The following GRB2 variants were observed in gnomAD, a reference collection of about 807,000 sequenced individuals.
GRB2 encodes the protein growth factor receptor bound protein 2, also known as growth factor receptor-bound protein 2.
GRB2 carries 2 observed loss-of-function variants against 27.4 expected under a neutral mutation model. That is an observed-to-expected ratio of 0.07 (90% CI 0.03 to 0.23). The LOEUF (loss-of-function observed/expected upper bound fraction) is 0.23, where lower values mean the gene tolerates loss of function less well. GRB2 is among the 10% of genes least tolerant of loss of function. The pLI, the probability that GRB2 is intolerant of heterozygous loss-of-function variation, is 1.00. For synonymous variants in GRB2, 94 were observed against 99.6 expected (o/e 0.94, Z 0.33); for missense variants, 102 against 282.4 (o/e 0.36, Z 4.58).
chr17:75,397,781 C>T (rs944363700), intron 1 of GRB2, among the ~76,000 whole-genome samples: 4 of 151,984 alleles, frequency 2.6e-5, no homozygotes, highest in African/African-American at 9.7e-5. Context: ...ACATTAAGTG[C>T]TCTGGATAGA....
chr17:75,390,516 A>G (rs1187248175), intron 2 of GRB2, among the ~76,000 whole-genome samples: 1 of 152,172 alleles, frequency 6.6e-6, no homozygotes, highest in Non-Finnish European at 1.5e-5. Context: ...CTTCTATTTT[A>G]CATCCCAGTG....
chr17:75,338,122 G>A (rs2078593963), intron 2 of GRB2, among the ~76,000 whole-genome samples: 1 of 151,966 alleles, frequency 6.6e-6, no homozygotes, highest in Admixed American at 6.6e-5. Context: ...CAGAGATGGG[G>A]TTTCACCATA....
intron 4 of GRB2, among the ~76,000 whole-genome samples, chr17:75,325,520 A>G (rs2078492872): frequency 6.6e-6 from 1 of 152,186 alleles, no homozygotes; most frequent in African/African-American, 2.4e-5. Flanking sequence ...GGGCTGGTTG[A>G]TTTAAGTCAG....
At chr17:75,389,354 G>T (rs184885015) in intron 2 of GRB2, among the ~76,000 whole-genome samples, 1 of 152,136 alleles carries the variant, frequency 6.6e-6, no homozygotes, top group Non-Finnish European at 1.5e-5. Context: ...TGATGTCAGC[G>T]CTTGCCAGTT....
intron 2 of GRB2, among the ~76,000 whole-genome samples, chr17:75,345,794 A>G (rs2078651112): frequency 6.6e-6 from 1 of 151,960 alleles, no homozygotes. Flanking sequence ...GCTAGTGGAC[A>G]GGGTCAGGGA....
chr17:75,348,875 C>G (rs1249675267), intron 2 of GRB2, among the ~76,000 whole-genome samples: 1 of 152,152 alleles, frequency 6.6e-6, no homozygotes, highest in East Asian at 1.9e-4. Context: ...GCGGTTTTCC[C>G]ATGTTGTCCA....
At chr17:75,322,271 C>T (rs2078465356) in intron 4 of GRB2, among the ~76,000 whole-genome samples, 1 of 151,400 alleles carries the variant, frequency 6.6e-6, no homozygotes, top group Admixed American at 6.6e-5. Flanking sequence ...ACTCGGGAGG[C>T]TGAGGCAGGA....
chr17:75,401,172 G>A (rs974481265), intron 1 of GRB2, among the ~76,000 whole-genome samples: 6 of 151,994 alleles, frequency 3.9e-5, no homozygotes, highest in Admixed American at 3.3e-4. Context: ...TAGGCCGGGC[G>A]CAGTGGCTCA....
intron 2 of GRB2, among the ~76,000 whole-genome samples, chr17:75,377,131 C>G (rs540515332): frequency 4.6e-5 from 7 of 150,584 alleles, no homozygotes; most frequent in Non-Finnish European, 7.4e-5. Flanking sequence ...AGTGACCCCC[C>G]GCTACAAAAA....
chr17:75,368,262 C>T (rs1030346795), intron 2 of GRB2, among the ~76,000 whole-genome samples: 5 of 144,326 alleles, frequency 3.5e-5, no homozygotes, highest in African/African-American at 1.3e-4. Flanking sequence ...GTCACCCAGG[C>T]TAGAGTGCAG....
intron 2 of GRB2, among the ~76,000 whole-genome samples, chr17:75,383,993 G>T (rs894813335): frequency 3.3e-5 from 5 of 152,092 alleles, no homozygotes; most frequent in Non-Finnish European, 7.4e-5. Flanking sequence ...AATTGCCCAA[G>T]ATCGCAATGC....
chr17:75,319,120 C>T lies in GRB2; in HGVS notation c.*1248G>A, dbSNP rs2078437767. 6.6e-6 allele frequency: 1 copy of T among 152,484 alleles called. No individual in the cohort carries two copies. The allele number at this position is 152,484 out of a possible 1,614,324, so 9.4% of individuals were successfully genotyped here. On this transcript the variant is annotated 3_prime_UTR_variant, in exon 6 of 6. Coordinates refer to ENST00000316804, the MANE Select transcript of GRB2 (RefSeq NM_002086.5). ...CAGTTCCCTGAACCCCCAAGGGGCT[C>T]ACAACCCTTAAAGCTGGAGCTTAAA...
intron 2 of GRB2, among the ~76,000 whole-genome samples, chr17:75,381,547 G>A (rs1037118551): frequency 3.3e-5 from 5 of 150,516 alleles, no homozygotes; most frequent in African/African-American, 7.3e-5. Flanking sequence ...TGAAACCCTC[G>A]TCTCTACTAA....
At chr17:75,360,914 T>A (rs372777886) in intron 2 of GRB2, among the ~76,000 whole-genome samples, 92 of 152,230 alleles carry the variant, frequency 6.0e-4, no homozygotes, top group African/African-American at 2.2e-3. Context: ...ACTACAGGCA[T>A]GTGCTGCCAC....
chr17:75,340,094 A>T lies in GRB2; in HGVS notation c.79-7297T>A, dbSNP rs539046946. On this transcript the variant is annotated intron_variant, in intron 2 of 5. Coordinates refer to ENST00000316804, the MANE Select transcript of GRB2 (RefSeq NM_002086.5). ...AAAAATAGAAATCATAATTTTTTTTAAAAGAAATAGGCTGTACAGTTATGG... is the reference window on the plus strand; with the variant it reads ...AAAAATAGAAATCATAATTTTTTTTTAAAGAAATAGGCTGTACAGTTATGG... Among the ~76,000 whole-genome samples, 9 of 152,324 alleles carry T rather than the reference A, an allele frequency of 5.9e-5. No individual in the cohort carries two copies. The South Asian group carries it at 6.2e-4, about 11-fold the overall frequency.
intron 1 of GRB2, among the ~76,000 whole-genome samples, chr17:75,399,805 GA>G (rs2079052819): frequency 6.6e-6 from 1 of 151,888 alleles, no homozygotes; most frequent in Non-Finnish European, 1.5e-5. Flanking sequence ...GAGTGGCTGG[GA>G]CTATAGGTGC....
intron 2 of GRB2, among the ~76,000 whole-genome samples, chr17:75,374,076 T>C (rs1439744114): frequency 6.6e-6 from 1 of 151,392 alleles, no homozygotes; most frequent in Non-Finnish European, 1.5e-5. Context: ...ATTACAGGAG[T>C]GAGCCACCGT....
intron 3 of GRB2, among the ~76,000 whole-genome samples, chr17:75,330,605 C>T (rs932858107): frequency 2.0e-5 from 3 of 151,364 alleles, no homozygotes; most frequent in South Asian, 2.1e-4. Context: ...ACCCAGCAGG[C>T]GGAGGTTGCA....
rs531847933 is a variant in GRB2, at chr17:75,358,722, A to C, written c.79-25925T>G. ...TACTAAAAAAAAAAAAAAAAAAAAA[A>C]AAAACAAAAAATTAGCTGGGTATGG... On this transcript the variant is annotated intron_variant, in intron 2 of 5. Transcript: ENST00000316804. Among the ~76,000 whole-genome samples, 18 of 146,964 alleles carry C rather than the reference A, an allele frequency of 1.2e-4. No homozygotes were observed. In the South Asian group the frequency reaches 2.8e-3, roughly 23 times the overall value.
Sources: gnomAD v4.1 joint callset for allele counts (sites outside exome capture counted in the v4.1 genomes callset) on GRCh38, gnomAD v4.1.1 for gene constraint, MANE v1.5 for transcripts, NCBI Gene and HGNC (gene_info 2026-07-23, HGNC 2026-07-21) for gene names.